The following KIAA1549 variants were observed in gnomAD, a reference collection of about 807,000 sequenced individuals.
KIAA1549 encodes KIAA1549.
Under a neutral mutation model 156.4 loss-of-function variants are expected in KIAA1549, and 70 were observed. That is an observed-to-expected ratio of 0.45 (90% CI 0.37 to 0.55). The LOEUF (loss-of-function observed/expected upper bound fraction) is 0.55. KIAA1549 is among the 20% of genes least tolerant of loss of function. The pLI is 0.00. For synonymous variants in KIAA1549, 1,103 were observed against 1,066.4 expected, an observed-to-expected ratio of 1.03 and a Z score of -0.67; for missense variants, 2,428 against 2,540.9, an observed-to-expected ratio of 0.96 and a Z score of 0.96.
chr7:138,881,072 T>C (rs1225584440), intron 11 of KIAA1549, among the ~76,000 whole-genome samples: 1 of 152,226 alleles, frequency 6.6e-6, no homozygotes, highest in Non-Finnish European at 1.5e-5. Flanking sequence ...AGGCCTAGCA[T>C]GCTCCCCTCA....
intron 1 of KIAA1549, among the ~76,000 whole-genome samples, chr7:138,980,493 TG>T (rs1240648154): frequency 6.6e-6 from 1 of 152,192 alleles, no homozygotes; most frequent in South Asian, 2.1e-4. Flanking sequence ...GTACTAATAA[TG>T]CCTTGCAGAA....
intron 16 of KIAA1549, among the ~76,000 whole-genome samples, chr7:138,856,690 T>C (rs1361999095): frequency 6.6e-6 from 1 of 152,208 alleles, no homozygotes; most frequent in Non-Finnish European, 1.5e-5. Context: ...TCCTGCCTCA[T>C]GTCTAACCAC....
chr7:138,907,519 A>G (rs1033514741), intron 5 of KIAA1549, among the ~76,000 whole-genome samples: 3 of 152,222 alleles, frequency 2.0e-5, no homozygotes, highest in Non-Finnish European at 4.4e-5. Context: ...CATGGGCTGC[A>G]GCAGAGCCAA....
At chr7:138,878,254 C>G (rs1019716466) in intron 12 of KIAA1549, among the ~76,000 whole-genome samples, 3 of 151,600 alleles carry the variant, frequency 2.0e-5, no homozygotes, top group African/African-American at 4.9e-5. Context: ...AGGCCACAAG[C>G]GTGTCAGTGA....
intron 9 of KIAA1549, 68 bp downstream of exon 9, chr7:138,898,887 T>G: frequency 7.2e-7 from 1 of 1,392,714 alleles, no homozygotes; most frequent in Non-Finnish European, 1.0e-6. Flanking sequence ...CAGAGCTCAC[T>G]GTCAGAACGA....
intron 1 of KIAA1549, 30 bp from the exon 2 acceptor site, chr7:138,919,468 C>T (rs1228776963): frequency 6.3e-7 from 1 of 1,592,124 alleles, no homozygotes; most frequent in Non-Finnish European, 8.6e-7. Flanking sequence ...TGGGTTAGTG[C>T]AATGCATTGG....
intron 13 of KIAA1549, 23 bp from the exon 14 acceptor site, chr7:138,869,784 A>C: frequency 1.3e-6 from 2 of 1,585,408 alleles, no homozygotes; most frequent in Admixed American, 1.7e-5. Flanking sequence ...GAGGGAGAGA[A>C]AGACAGCCAT....
At chr7:138,859,204 G>A (rs577296237) in intron 16 of KIAA1549, among the ~76,000 whole-genome samples, 1 of 152,128 alleles carries the variant, frequency 6.6e-6, no homozygotes, top group African/African-American at 2.4e-5. Flanking sequence ...GCCAGAGAGA[G>A]ATCTCTGGAG....
At chr7:138,891,766 A>T (rs1399612851) in intron 10 of KIAA1549, among the ~76,000 whole-genome samples, 3 of 152,144 alleles carry the variant, frequency 2.0e-5, no homozygotes, top group Non-Finnish European at 4.4e-5. Context: ...GGAGAGAGAG[A>T]CAACAGCCAC....
intron 11 of KIAA1549, among the ~76,000 whole-genome samples, chr7:138,880,584 A>T (rs1811213142): frequency 6.6e-6 from 1 of 152,212 alleles, no homozygotes; most frequent in Non-Finnish European, 1.5e-5. Context: ...CTTAGCAGGA[A>T]ATCAGGATTT....
intron 1 of KIAA1549, among the ~76,000 whole-genome samples, chr7:138,921,845 A>C (rs1341987317): frequency 1.3e-5 from 2 of 152,182 alleles, no homozygotes; most frequent in Non-Finnish European, 2.9e-5. Flanking sequence ...AGCCTGGGAG[A>C]CAAAGTGAGA....
intron 14 of KIAA1549, among the ~76,000 whole-genome samples, 164 bp downstream of exon 14, chr7:138,869,374 G>A (rs1430914652): frequency 2.0e-5 from 3 of 152,222 alleles, no homozygotes; most frequent in East Asian, 1.9e-4. Context: ...ACATCCTTCT[G>A]TGCATGAGCC....
intron 16 of KIAA1549, among the ~76,000 whole-genome samples, chr7:138,854,073 A>T (rs757530730): frequency 6.6e-6 from 1 of 151,504 alleles, no homozygotes; most frequent in African/African-American, 2.4e-5. Context: ...GAAAAGGTTT[A>T]AAAAAAAATG....
chr7:138,911,390 A>G, intron 3 of KIAA1549, 67 bp from the exon 4 acceptor site: 1 of 1,245,902 alleles, frequency 8.0e-7, no homozygotes, highest in South Asian at 1.5e-5. Flanking sequence ...GAAAAATAAA[A>G]AATTATAAAC....
chr7:138,957,538 C>CA (rs1459419459), intron 1 of KIAA1549, among the ~76,000 whole-genome samples: 2 of 151,010 alleles, frequency 1.3e-5, no homozygotes, highest in African/African-American at 4.9e-5. Flanking sequence ...AGCACAGCGG[C>CA]ATGGTCTCAG....
At chr7:138,849,399 C>T (rs1050087566) in intron 17 of KIAA1549, among the ~76,000 whole-genome samples, 3 of 152,086 alleles carry the variant, frequency 2.0e-5, no homozygotes, top group Non-Finnish European at 2.9e-5. Context: ...AACTTCCCCC[C>T]TAAACACTGC....
At chr7:138,946,364 G>C (rs1243490206) in intron 1 of KIAA1549, among the ~76,000 whole-genome samples, 1 of 152,158 alleles carries the variant, frequency 6.6e-6, no homozygotes, top group Non-Finnish European at 1.5e-5. Flanking sequence ...GAAACACAGG[G>C]CATCTTCAGT....
chr7:138,924,681 C>T (rs1812661840), intron 1 of KIAA1549, among the ~76,000 whole-genome samples: 1 of 152,012 alleles, frequency 6.6e-6, no homozygotes, highest in South Asian at 2.1e-4. Flanking sequence ...TTTCTCTCTG[C>T]CAAGCCCCAG....
Position 138,906,909 on chromosome 7 carries a change from C to A in KIAA1549, c.3460+10G>T. 6.4e-7 allele frequency: 1 copy of A among 1,561,116 alleles called. No individual in the cohort carries two copies. Among genetic ancestry groups the A allele is most frequent in the Non-Finnish European group, 8.6e-7 (1 of 1,156,238 alleles). Reference sequence around the variant, plus strand: ...CACCTCCCCAGCATGTCCAAGAGGGCTGTACTCACGCTCTGCGATCTGCAG... The same window carrying A: ...CACCTCCCCAGCATGTCCAAGAGGGATGTACTCACGCTCTGCGATCTGCAG... On this transcript the variant is annotated intron_variant, in intron 6 of 19. Transcript: ENST00000422774.
Sources: gnomAD v4.1 joint callset for allele counts (sites outside exome capture counted in the v4.1 genomes callset) on GRCh38, gnomAD v4.1.1 for gene constraint, MANE v1.5 for transcripts, NCBI Gene and HGNC (gene_info 2026-07-23, HGNC 2026-07-21) for gene names.